SGCZ: variants seen among roughly 807,000 people sequenced by gnomAD.
The protein encoded by SGCZ is zeta-sarcoglycan.
In SGCZ, 40 loss-of-function variants were observed where a neutral mutation model predicts 41.3. The ratio of observed to expected loss-of-function variants is 0.97; its 90% CI spans 0.75 to 1.26. The LOEUF is 1.26. Ranked by LOEUF, SGCZ falls within the 50% of genes most tolerant of loss-of-function variation. SGCZ has a pLI of 0.00. For synonymous variants in SGCZ, 206 were observed against 137.5 expected (o/e 1.50, Z -3.49); for missense variants, 552 against 369.8 (o/e 1.49, Z -4.04).
At chr8:14,951,120 C>T (rs1800622434) in intron 1 of SGCZ, among the ~76,000 whole-genome samples, 1 of 151,836 alleles carries the variant, frequency 6.6e-6, no homozygotes, top group Admixed American at 6.6e-5. Flanking sequence ...AACAGATGGC[C>T]TTAATGTAAT....
At chr8:14,772,937 A>G (rs2130400970) in intron 1 of SGCZ, among the ~76,000 whole-genome samples, 1 of 152,216 alleles carries the variant, frequency 6.6e-6, no homozygotes, top group Non-Finnish European at 1.5e-5. Context: ...CTTTGGGTAT[A>G]TACCCAGTAA....
chr8:15,174,825 T>C (rs1799950051), intron 1 of SGCZ, among the ~76,000 whole-genome samples: 1 of 152,208 alleles, frequency 6.6e-6, no homozygotes, highest in Admixed American at 6.5e-5. Context: ...ATTAAAATTA[T>C]TGGCTATTAC....
At chr8:14,220,651 G>C (rs1375284792) in intron 4 of SGCZ, among the ~76,000 whole-genome samples, 1 of 152,150 alleles carries the variant, frequency 6.6e-6, no homozygotes, top group East Asian at 1.9e-4. Context: ...GTTGGGCGTA[G>C]TGGTGCCTGC....
chr8:14,121,624 ATTC>A (rs1802699142), intron 5 of SGCZ, among the ~76,000 whole-genome samples: 4 of 152,148 alleles, frequency 2.6e-5, no homozygotes, highest in African/African-American at 7.2e-5. Context: ...AGACTTTTCC[ATTC>A]AGTTAAGTTA....
At chr8:14,538,919 T>C (rs1291989196) in intron 2 of SGCZ, among the ~76,000 whole-genome samples, 1 of 151,962 alleles carries the variant, frequency 6.6e-6, no homozygotes, top group Admixed American at 6.6e-5. Context: ...GAAAGCTATT[T>C]AAATTACGTG....
intron 1 of SGCZ, among the ~76,000 whole-genome samples, chr8:15,103,892 G>C (rs1375856158): frequency 6.6e-6 from 1 of 152,140 alleles, no homozygotes; most frequent in Non-Finnish European, 1.5e-5. Flanking sequence ...AATAGAAAAA[G>C]TGTCAAAGTC....
chr8:14,161,984 T>C (rs1217351476), intron 5 of SGCZ, among the ~76,000 whole-genome samples: 2 of 151,638 alleles, frequency 1.3e-5, no homozygotes, highest in African/African-American at 2.4e-5. Flanking sequence ...GGAGAGAGAA[T>C]AGATAACTGC....
chr8:14,480,180 A>G (rs1034377428), intron 2 of SGCZ, among the ~76,000 whole-genome samples: 1 of 152,232 alleles, frequency 6.6e-6, no homozygotes, highest in Non-Finnish European at 1.5e-5. Flanking sequence ...GATGACTAAT[A>G]TAGGTAACTA....
intron 1 of SGCZ, among the ~76,000 whole-genome samples, chr8:14,803,470 CG>C (rs1408870801): frequency 6.6e-6 from 1 of 152,196 alleles, no homozygotes; most frequent in African/African-American, 2.4e-5. Context: ...GGGTGACAGA[CG>C]GCACCTGGAA....
At chr8:14,503,488 G>A (rs547581063) in intron 2 of SGCZ, among the ~76,000 whole-genome samples, 3 of 152,002 alleles carry the variant, frequency 2.0e-5, no homozygotes, top group South Asian at 2.1e-4. Flanking sequence ...ACAATAACGC[G>A]GCCAGTCTCA....
At chr8:14,610,925 C>T (rs543805659) in intron 1 of SGCZ, among the ~76,000 whole-genome samples, 4 of 152,240 alleles carry the variant, frequency 2.6e-5, no homozygotes, top group African/African-American at 9.6e-5. Context: ...TTACCACATG[C>T]TTCCAAACCT....
intron 1 of SGCZ, among the ~76,000 whole-genome samples, chr8:14,632,393 G>T (rs1211340479): frequency 6.6e-6 from 1 of 151,986 alleles, no homozygotes; most frequent in Non-Finnish European, 1.5e-5. Flanking sequence ...AAAATGTATA[G>T]AGAGATAAGC....
At chr8:14,504,405 T>G (rs1202426430) in intron 2 of SGCZ, among the ~76,000 whole-genome samples, 1 of 152,204 alleles carries the variant, frequency 6.6e-6, no homozygotes, top group Non-Finnish European at 1.5e-5. Flanking sequence ...AACCACAGCA[T>G]GATGGATTTA....
At chr8:14,364,537 T>G (rs1803632043) in intron 2 of SGCZ, among the ~76,000 whole-genome samples, 1 of 152,150 alleles carries the variant, frequency 6.6e-6, no homozygotes, top group Non-Finnish European at 1.5e-5. Flanking sequence ...TTTTTTTCTT[T>G]CTAATCCATG....
chr8:14,211,493 T>C (rs1805805918), intron 4 of SGCZ, among the ~76,000 whole-genome samples: 1 of 152,148 alleles, frequency 6.6e-6, no homozygotes, highest in South Asian at 2.1e-4. Context: ...CACACTGCTG[T>C]AAAGAAACAC....
intron 3 of SGCZ, among the ~76,000 whole-genome samples, chr8:14,276,089 C>A (rs904895577): frequency 6.6e-6 from 1 of 152,140 alleles, no homozygotes. Flanking sequence ...TGGGGGAGAG[C>A]AGGGGACACA....
At chr8:14,377,812 G>C (rs374277058) in intron 2 of SGCZ, among the ~76,000 whole-genome samples, 1 of 151,740 alleles carries the variant, frequency 6.6e-6, no homozygotes, top group Non-Finnish European at 1.5e-5. Context: ...AGTTTACTGA[G>C]AATGATGATT....
At chr8:14,500,967 T>A (rs968567162) in intron 2 of SGCZ, among the ~76,000 whole-genome samples, 2 of 149,768 alleles carry the variant, frequency 1.3e-5, no homozygotes, top group Non-Finnish European at 3.0e-5. Context: ...AAAAAAAAAA[T>A]TACAACAAAC....
chr8:14,973,136 C>G (rs986104736), intron 1 of SGCZ, among the ~76,000 whole-genome samples: 1 of 152,116 alleles, frequency 6.6e-6, no homozygotes, highest in African/African-American at 2.4e-5. Flanking sequence ...TGTAAGTGTC[C>G]ATTTATTCTC....
Sources: gnomAD v4.1 joint callset for allele counts (sites outside exome capture counted in the v4.1 genomes callset) on GRCh38, gnomAD v4.1.1 for gene constraint, MANE v1.5 for transcripts, NCBI Gene and HGNC (gene_info 2026-07-23, HGNC 2026-07-21) for gene names.